The following EPAS1 variants were observed in gnomAD, a reference collection of about 807,000 sequenced individuals.
EPAS1 encodes endothelial PAS domain-containing protein 1.
A neutral mutation model predicts 87.9 loss-of-function variants in EPAS1; 23 were observed. The observed-to-expected ratio is 0.26, with a 90% confidence interval of 0.19 to 0.37. EPAS1 has a LOEUF of 0.37. EPAS1 is among the 10% of genes least tolerant of loss of function. The pLI is 1.00. For missense variants in EPAS1, 1,138 were observed against 1,120.7 expected (o/e 1.02, Z -0.22); for synonymous variants, 508 against 444.3 (o/e 1.14, Z -1.80).
At chr2:46,378,231 C>G (rs2103668199) in intron 10 of EPAS1, 144 bp downstream of exon 10, 1 of 1,392,382 alleles carries the variant, frequency 7.2e-7, no homozygotes, top group Non-Finnish European at 9.5e-7. Flanking sequence ...ACTTACCTAC[C>G]AGGTATCAGA....
rs561530305 is a variant in EPAS1, at chr2:46,370,867, C to A, written c.886+934C>A. 4.6e-5 allele frequency among the ~76,000 whole-genome samples: 7 copies of A among 152,234 alleles called. No homozygotes were observed. The South Asian group carries it at 1.2e-3, about 27-fold the overall frequency. ...TCATCACTGTGCAAGGGCTCTGGGCCTATAACCCTGTACTTGGCCCACTGG... is the reference window on the plus strand; with the variant it reads ...TCATCACTGTGCAAGGGCTCTGGGCATATAACCCTGTACTTGGCCCACTGG... On this transcript the variant is annotated intron_variant, in intron 7 of 15. Transcript: ENST00000263734.
intron 1 of EPAS1, among the ~76,000 whole-genome samples, chr2:46,330,024 A>G (rs1289512521): frequency 6.6e-6 from 1 of 152,226 alleles, no homozygotes; most frequent in Non-Finnish European, 1.5e-5. Flanking sequence ...AGAATGTGTA[A>G]CTGCTGAACA....
rs1684067799 is a variant in EPAS1 at position 46,347,901 on chromosome 2, C to T, written c.217+838C>T. The stretch of plus-strand genomic sequence containing the variant: ...GGGCAACGAGTTGTGCTCCTCCCCA[C>T]CTGGTCTGGTGCCACAGGTGGGGAC... On this transcript the variant is annotated intron_variant, in intron 2 of 15. Coordinates refer to ENST00000263734, the MANE Select transcript of EPAS1 (RefSeq NM_001430.5). The surrounding 1 kb of genome is among the most constrained non-coding windows in gnomAD (Gnocchi z 4.2). Among the ~76,000 whole-genome samples, 2 of 152,196 alleles carry T rather than the reference C, an allele frequency of 1.3e-5. No homozygotes were observed. The highest frequency in any genetic ancestry group is 6.5e-5 in the Admixed American group (1 of 15,276).
At chr2:46,306,159 G>A (rs1010017835) in intron 1 of EPAS1, among the ~76,000 whole-genome samples, 2 of 152,110 alleles carry the variant, frequency 1.3e-5, no homozygotes, top group Non-Finnish European at 2.9e-5. Context: ...TCATTGTGCT[G>A]TGTGTCTACC....
At chr2:46,338,685 G>A (rs1337962804) in intron 1 of EPAS1, among the ~76,000 whole-genome samples, 1 of 152,226 alleles carries the variant, frequency 6.6e-6, no homozygotes, top group Non-Finnish European at 1.5e-5. Context: ...TAGCACAGCT[G>A]GTCTTCTCTT....
At chr2:46,377,714 C>T (rs1194254570) in intron 9 of EPAS1, among the ~76,000 whole-genome samples, 180 bp from the exon 10 acceptor site, 1 of 152,194 alleles carries the variant, frequency 6.6e-6, no homozygotes, top group African/African-American at 2.4e-5. Context: ...TCTACGTTGA[C>T]TCATAGCCAG....
In EPAS1 at chr2:46,301,530, T is replaced by C. The variant is rs556191998; in HGVS notation, c.26+3593T>C. On this transcript the variant is annotated intron_variant, in intron 1 of 15. Transcript: ENST00000263734. ...AGGTAGAGGCTGCAGTGAGCGGAGA[T>C]AGCGCTGCTGCACTCCAGCCTGGGC... 5.4e-5 allele frequency among the ~76,000 whole-genome samples: 8 copies of C among 147,472 alleles called. No homozygotes were observed. In the East Asian group the frequency reaches 1.6e-3, roughly 30 times the overall value.
intron 12 of EPAS1, 178 bp from the exon 13 acceptor site, chr2:46,381,418 G>C: frequency 2.2e-6 from 2 of 921,132 alleles, no homozygotes; most frequent in Non-Finnish European, 3.4e-6. Flanking sequence ...AGCTGAGGAA[G>C]GAGACAGAGC....
rs1248442563 is a variant in EPAS1, at chr2:46,346,465, G to A, written c.27-408G>A. On this transcript the variant is annotated intron_variant, in intron 1 of 15. Transcript: ENST00000263734. The surrounding 1 kb of genome is among the most constrained non-coding windows in gnomAD (Gnocchi z 4.0). Reference sequence around the variant, plus strand: ...AGCAGTTTTTTTATCTTGTTCTCCAGAGCCCTTGACAAAGCCATCTGAGCC... The same window carrying A: ...AGCAGTTTTTTTATCTTGTTCTCCAAAGCCCTTGACAAAGCCATCTGAGCC... Among the ~76,000 whole-genome samples, 1 of 152,114 alleles carries A rather than the reference G, an allele frequency of 6.6e-6. No homozygotes were observed. The highest frequency in any genetic ancestry group is 6.5e-5 in the Admixed American group (1 of 15,274).
rs766151410 is a variant in EPAS1 at position 46,382,605 on chromosome 2, G to A, written c.2461+7G>A. 4 of 1,614,038 alleles carry A rather than the reference G, an allele frequency of 2.5e-6. No homozygotes were observed. The highest frequency in any genetic ancestry group is 3.4e-6 in the Non-Finnish European group (4 of 1,180,032). ...TCAGCCCACAAGGTGTCAGGTGGGT[G>A]TGCCCAGGATCTGTCACCCCCATCC... On this transcript the variant is annotated splice_region_variant and intron_variant, in intron 15 of 15. Coordinates refer to ENST00000263734, the MANE Select transcript of EPAS1 (RefSeq NM_001430.5).
chr2:46,333,147 T>C (rs536230332), intron 1 of EPAS1, among the ~76,000 whole-genome samples: 3 of 152,236 alleles, frequency 2.0e-5, no homozygotes, highest in Non-Finnish European at 4.4e-5. Context: ...TCACTCGCCT[T>C]TATTAATCCA....
At chr2:46,327,907 T>C (rs1683594735) in intron 1 of EPAS1, among the ~76,000 whole-genome samples, 1 of 152,178 alleles carries the variant, frequency 6.6e-6, no homozygotes, top group African/African-American at 2.4e-5. Context: ...TAATATTGCC[T>C]CATGCCTCCT....
intron 1 of EPAS1, among the ~76,000 whole-genome samples, chr2:46,344,213 T>C (rs1384098043): frequency 6.6e-6 from 1 of 152,246 alleles, no homozygotes; most frequent in Admixed American, 6.5e-5. Context: ...AAGACTCATA[T>C]ATCAGATGCC....
rs1043080978 is a variant in EPAS1 at position 46,347,404 on chromosome 2, T to C, written c.217+341T>C. 2.5e-5 allele frequency: 10 copies of C among 395,162 alleles called. No individual in the cohort carries two copies. Among genetic ancestry groups the C allele is most frequent in the African/African-American group, 2.0e-4 (10 of 48,810 alleles). 24.5% of individuals were successfully genotyped at this position (395,162 alleles called of 1,614,324 possible). A position where few individuals can be genotyped will look rare whatever the true frequency, so the allele number is the denominator to read the frequency against. On this transcript the variant is annotated intron_variant, in intron 2 of 15. Coordinates refer to ENST00000263734, the MANE Select transcript of EPAS1 (RefSeq NM_001430.5). This position sits in a 1 kb window ranked among gnomAD's most constrained non-coding sequence, Gnocchi z 4.2. The stretch of plus-strand genomic sequence containing the variant: ...TGGCCATAAGACCCATCCTCCACAC[T>C]AGATTGAGTCCGCAGGAAGCATTCT...
At chr2:46,365,745 C>T (rs1252205019) in intron 6 of EPAS1, among the ~76,000 whole-genome samples, 1 of 152,154 alleles carries the variant, frequency 6.6e-6, no homozygotes, top group Admixed American at 6.5e-5. Flanking sequence ...ATATTAAAAC[C>T]AACCGAAGGC....
At chr2:46,319,120 AG>A (rs1683405241) in intron 1 of EPAS1, among the ~76,000 whole-genome samples, 1 of 152,242 alleles carries the variant, frequency 6.6e-6, no homozygotes, top group Non-Finnish European at 1.5e-5. Flanking sequence ...ATGGTGCCCC[AG>A]AAATAGCTGC....
intron 1 of EPAS1, among the ~76,000 whole-genome samples, chr2:46,298,231 A>C (rs545150166): frequency 6.6e-6 from 1 of 152,178 alleles, no homozygotes; most frequent in South Asian, 2.1e-4. Context: ...GTGCCTTTGA[A>C]AATCTCCCAG....
rs1307198329 is a variant in EPAS1 at position 46,375,368 on chromosome 2, C to A, written c.887-322C>A. Among the ~76,000 whole-genome samples the A allele has an allele frequency of 6.6e-6, 1 of 152,098 alleles. No homozygotes were observed. Among genetic ancestry groups the A allele is most frequent in the East Asian group, 1.9e-4 (1 of 5,188 alleles). On this transcript the variant is annotated intron_variant, in intron 7 of 15. Coordinates refer to ENST00000263734, the MANE Select transcript of EPAS1 (RefSeq NM_001430.5). The surrounding 1 kb of genome is among the most constrained non-coding windows in gnomAD (Gnocchi z 4.1). ...GGACTTGGTTCTGCTTATAGCTGAG[C>A]TGGTCTGTGAGCCTGACTTGTCCAG...
At chr2:46,333,226 T>A (rs1192650545) in intron 1 of EPAS1, among the ~76,000 whole-genome samples, 1 of 152,170 alleles carries the variant, frequency 6.6e-6, no homozygotes, top group East Asian at 1.9e-4. Flanking sequence ...CGTGACTGAT[T>A]TAATCTTCAT....
Sources: gnomAD v4.1 joint callset for allele counts (sites outside exome capture counted in the v4.1 genomes callset) on GRCh38, gnomAD v4.1.1 for gene constraint, Gnocchi (gnomAD v3.1) non-coding constraint, MANE v1.5 for transcripts, NCBI Gene and HGNC (gene_info 2026-07-23, HGNC 2026-07-21) for gene names.